ANXA6: variants seen among roughly 807,000 people sequenced by gnomAD.
ANXA6 encodes the protein annexin A6.
Under a neutral mutation model 95.4 loss-of-function variants are expected in ANXA6, and 71 were observed. The observed-to-expected ratio is 0.74, with a 90% confidence interval of 0.61 to 0.91. The LOEUF (loss-of-function observed/expected upper bound fraction) is 0.91, where lower values mean the gene tolerates loss of function less well. Among genes scored for constraint, ANXA6 ranks in the 40% least tolerant of loss-of-function variants. The pLI is 0.00. For synonymous variants in ANXA6, 289 were observed against 315.9 expected, an observed-to-expected ratio of 0.91 and a Z score of 0.90; for missense variants, 830 against 876.4, an observed-to-expected ratio of 0.95 and a Z score of 0.67.
intron 20 of ANXA6, among the ~76,000 whole-genome samples, chr5:151,115,202 T>C (rs1190540382): frequency 2.0e-5 from 3 of 152,226 alleles, no homozygotes; most frequent in Admixed American, 2.0e-4. Flanking sequence ...AATCCACTTT[T>C]ATATATACAT....
intron 2 of ANXA6, among the ~76,000 whole-genome samples, chr5:151,143,857 TG>T: frequency 6.6e-6 from 1 of 152,140 alleles, no homozygotes; most frequent in Non-Finnish European, 1.5e-5. Flanking sequence ...AGCTGAGTCC[TG>T]AGGGATGAGC....
rs752547393 is a variant in ANXA6 at position 151,128,281 on chromosome 5, G to A, written c.919-42C>T. On this transcript the variant is annotated intron_variant, in intron 12 of 25. Transcript: ENST00000354546. ...AAAGGTTACCTCTCACCCAGCCCTG[G>A]GCTCCTCTCAGACAAGGAGGTGAAG... The A allele has an allele frequency of 3.9e-6, 6 of 1,550,590 alleles. No homozygotes were observed. In the South Asian group the frequency reaches 5.8e-5, roughly 15 times the overall value.
At chr5:151,132,041 A>G (rs921452996) in intron 10 of ANXA6, among the ~76,000 whole-genome samples, 1 of 152,116 alleles carries the variant, frequency 6.6e-6, no homozygotes, top group Non-Finnish European at 1.5e-5. Flanking sequence ...CTCATTACAA[A>G]ACTACCCCTC....
At chr5:151,118,828 A>G (rs554566307) in intron 18 of ANXA6, among the ~76,000 whole-genome samples, 1 of 152,298 alleles carries the variant, frequency 6.6e-6, no homozygotes, top group African/African-American at 2.4e-5. Flanking sequence ...TGAGACTCCC[A>G]AAGTGCTGGG....
chr5:151,111,677 C>T (rs1764853425), intron 20 of ANXA6, among the ~76,000 whole-genome samples: 1 of 152,234 alleles, frequency 6.6e-6, no homozygotes, highest in Non-Finnish European at 1.5e-5. Context: ...CAACCTTGAC[C>T]TCCTGGGCTC....
chr5:151,134,528 C>G, intron 7 of ANXA6, 45 bp from the exon 8 acceptor site: 1 of 1,605,362 alleles, frequency 6.2e-7, no homozygotes, highest in Admixed American at 1.7e-5. Flanking sequence ...ACTGCAAAGT[C>G]AGGAGGGAGG....
intron 13 of ANXA6, 90 bp from the exon 14 acceptor site, chr5:151,126,570 ACCCCAACACATACACACACGTG>A: frequency 5.4e-6 from 5 of 924,074 alleles, no homozygotes; most frequent in Non-Finnish European, 5.1e-6. Context: ...ACACACACAC[ACCCCAACACATACACACACGTG>A]CACACACCAC....
Position 151,108,688 on chromosome 5 carries a change from G to A in ANXA6, c.1685-138C>T, listed in dbSNP as rs951720753. On this transcript the variant is annotated intron_variant, in intron 22 of 25. Transcript: ENST00000354546. ...GGCAGCAAATATGGCCACAGCCCAG[G>A]CCTAAATGCATTGGGCAAGATCATC... 15 of 730,626 alleles carry A rather than the reference G, an allele frequency of 2.1e-5. No homozygotes were observed. In the Admixed American group the frequency reaches 3.2e-4, roughly 16 times the overall value. The allele number at this position is 730,626 out of a possible 1,614,324, so 45.3% of individuals were successfully genotyped here.
chr5:151,122,126 C>A (rs760687001), intron 17 of ANXA6, 21 bp downstream of exon 17: 10 of 1,505,400 alleles, frequency 6.6e-6, no homozygotes, highest in Non-Finnish European at 9.0e-6. Context: ...AGACACTAGA[C>A]CCCCTGGTGC....
chr5:151,134,629 A>C (rs905475659), intron 7 of ANXA6, 146 bp from the exon 8 acceptor site: 2 of 796,264 alleles, frequency 2.5e-6, no homozygotes, highest in Admixed American at 1.8e-5. Flanking sequence ...CATGAAGACC[A>C]CAGTATCTAT....
rs1168148535 is a variant in ANXA6, at chr5:151,109,809, A to G, written c.1628T>C (p.Leu543Ser). Residue 543 changes from leucine (L) to serine (S), a missense_variant, in exon 22 of 26, where the codon TTG becomes TCG. By Grantham distance (145) the Leu-to-Ser change is moderately radical. Transcript: ENST00000354546. ...CAGGATCGTCATGAAACGTGTCTCC[A>G]AGGAAGTTTTGTCTCCACTAGGTGT... ...ADTPSGDKTSLETRFMTILCT... is the reference protein window; with the variant it reads ...ADTPSGDKTSSETRFMTILCT... 1 of 1,611,136 alleles carries G rather than the reference A, an allele frequency of 6.2e-7. No individual in the cohort carries two copies. Among genetic ancestry groups the G allele is most frequent in the Non-Finnish European group, 8.5e-7 (1 of 1,178,654 alleles).
At chr5:151,149,434 AAGG>A (rs1327091270) in intron 1 of ANXA6, among the ~76,000 whole-genome samples, 1 of 152,174 alleles carries the variant, frequency 6.6e-6, no homozygotes, top group Admixed American at 6.5e-5. Context: ...TTCTTAAGAG[AAGG>A]AGAAGAGAAA....
intron 6 of ANXA6, 106 bp downstream of exon 6, chr5:151,137,125 G>A (rs1735833984): frequency 1.1e-6 from 1 of 940,494 alleles, no homozygotes; most frequent in Non-Finnish European, 1.6e-6. Context: ...TGGATCAGAG[G>A]AAAGGAGGAG....
At chr5:151,121,435 A>G (rs1293250087) in intron 17 of ANXA6, among the ~76,000 whole-genome samples, 1 of 151,996 alleles carries the variant, frequency 6.6e-6, no homozygotes, top group African/African-American at 2.4e-5. Context: ...TGGGAAGCAA[A>G]GCAGTTCTAG....
intron 20 of ANXA6, 80 bp downstream of exon 20, chr5:151,117,047 C>A: frequency 7.4e-7 from 1 of 1,349,940 alleles, no homozygotes; most frequent in Non-Finnish European, 1.0e-6. Context: ...ACAGACAGGG[C>A]CCGGCGTAGA....
intron 20 of ANXA6, among the ~76,000 whole-genome samples, chr5:151,111,399 A>C (rs934702915): frequency 4.6e-5 from 7 of 152,108 alleles, no homozygotes; most frequent in Admixed American, 2.0e-4. Context: ...GATAGACTGA[A>C]CTCTTTATAA....
chr5:151,147,872 G>A lies in ANXA6; in HGVS notation c.18+12C>T. The stretch of plus-strand genomic sequence containing the variant: ...GGCTGAGTACCACCTTCAGGAAAGA[G>A]AGGCCCCTTACCTGTGCTGGTTTGG... On this transcript the variant is annotated intron_variant, in intron 2 of 25. Transcript: ENST00000354546. The A allele has an allele frequency of 1.3e-6, 2 of 1,599,014 alleles. No individual in the cohort carries two copies. The highest frequency in any genetic ancestry group is 1.3e-5 in the African/African-American group (1 of 74,786).
At chr5:151,131,146 C>G (rs1765499662) in intron 11 of ANXA6, 85 bp downstream of exon 11, 3 of 1,456,818 alleles carry the variant, frequency 2.1e-6, no homozygotes, top group Non-Finnish European at 2.9e-6. Context: ...GAAGGGCTCT[C>G]TTTGGCCACT....
intron 2 of ANXA6, among the ~76,000 whole-genome samples, chr5:151,145,609 A>G (rs1387754484): frequency 3.3e-5 from 5 of 152,178 alleles, no homozygotes; most frequent in African/African-American, 1.2e-4. Context: ...TGCTGTGTGC[A>G]TGCACACGTG....
Sources: gnomAD v4.1 joint callset for allele counts (sites outside exome capture counted in the v4.1 genomes callset) on GRCh38, gnomAD v4.1.1 for gene constraint, MANE v1.5 for transcripts, NCBI Gene and HGNC (gene_info 2026-07-23, HGNC 2026-07-21) for gene names.